PCDH7: variants seen among roughly 807,000 people sequenced by gnomAD.
The protein encoded by PCDH7 is protocadherin-7.
In PCDH7, 17 loss-of-function variants were observed where a neutral mutation model predicts 58.9. The observed-to-expected ratio is 0.29, with a 90% confidence interval of 0.20 to 0.43. The LOEUF (loss-of-function observed/expected upper bound fraction) is 0.43, where lower values mean the gene tolerates loss of function less well. PCDH7 is among the 20% of genes least tolerant of loss of function. PCDH7 has a pLI of 1.00. For synonymous variants in PCDH7, 664 were observed against 616.4 expected, an observed-to-expected ratio of 1.08 and a Z score of -1.14; for missense variants, 1,274 against 1,441.0, an observed-to-expected ratio of 0.88 and a Z score of 1.88.
In PCDH7 at chr4:30,796,818, A is replaced by G. The variant is rs1015391047; in HGVS notation, c.70+72222A>G. On this transcript the variant is annotated intron_variant, in intron 1 of 3. Transcript: ENST00000509759. ...AATCTTATAACTTTCGAAGGCTTTT[A>G]CGTGCTTTGCACTTCCCTGCTAGCT... 5.3e-5 allele frequency among the ~76,000 whole-genome samples: 8 copies of G among 152,206 alleles called. No homozygotes were observed. The East Asian group carries it at 5.8e-4, about 11-fold the overall frequency.
intron 2 of PCDH7, among the ~76,000 whole-genome samples, chr4:30,933,272 G>T (rs972887649): frequency 2.6e-5 from 4 of 152,094 alleles, no homozygotes; most frequent in African/African-American, 9.7e-5. Flanking sequence ...TGATCTGCCT[G>T]CCTTGGCCTC....
chr4:30,849,856 C>A (rs531841848), intron 1 of PCDH7, among the ~76,000 whole-genome samples: 43 of 152,158 alleles, frequency 2.8e-4, no homozygotes, highest in African/African-American at 9.4e-4. Flanking sequence ...AGAGACATAT[C>A]TGTGTTAGTC....
chr4:31,124,544 C>T (rs1718070206), intron 3 of PCDH7, among the ~76,000 whole-genome samples: 1 of 152,196 alleles, frequency 6.6e-6, no homozygotes, highest in Non-Finnish European at 1.5e-5. Flanking sequence ...TAGGAATGTA[C>T]TTGAGTGCTC....
chr4:30,773,630 T>C (rs1216363323), intron 1 of PCDH7, among the ~76,000 whole-genome samples: 1 of 152,144 alleles, frequency 6.6e-6, no homozygotes, highest in African/African-American at 2.4e-5. Flanking sequence ...CACTGAAGAA[T>C]CATGGTGCTG....
chr4:31,006,991 A>G (rs1414408485), intron 3 of PCDH7, among the ~76,000 whole-genome samples: 1 of 152,168 alleles, frequency 6.6e-6, no homozygotes. Context: ...ACTATTGTTT[A>G]TATTTTAAAA....
At chr4:30,975,101 T>C (rs1026950345) in intron 3 of PCDH7, among the ~76,000 whole-genome samples, 1 of 150,996 alleles carries the variant, frequency 6.6e-6, no homozygotes, top group Non-Finnish European at 1.5e-5. Flanking sequence ...GACAAAGCAA[T>C]ATGTTACAAA....
At chr4:30,986,903 C>A (rs1050255237) in intron 3 of PCDH7, among the ~76,000 whole-genome samples, 4 of 151,910 alleles carry the variant, frequency 2.6e-5, no homozygotes, top group African/African-American at 9.7e-5. Context: ...ATCACTTGAA[C>A]CTGGGAGGCG....
intron 1 of PCDH7, among the ~76,000 whole-genome samples, chr4:30,899,844 G>A (rs934528435): frequency 6.6e-6 from 1 of 151,890 alleles, no homozygotes. Flanking sequence ...TCCTGATAAG[G>A]GGTGGACCTG....
intron 3 of PCDH7, among the ~76,000 whole-genome samples, chr4:31,071,930 A>G (rs759749296): frequency 1.3e-5 from 2 of 152,184 alleles, no homozygotes; most frequent in South Asian, 4.1e-4. Context: ...TTACTTTTAT[A>G]TTAGCTCGTA....
chr4:30,919,983 G>A (rs1455596507), intron 1 of PCDH7, among the ~76,000 whole-genome samples, 170 bp from the exon 2 acceptor site: 1 of 152,060 alleles, frequency 6.6e-6, no homozygotes, highest in Non-Finnish European at 1.5e-5. Flanking sequence ...CTAAGCTCTA[G>A]ACATTGCCTT....
chr4:31,141,316 C>T (rs16884410), intron 3 of PCDH7, among the ~76,000 whole-genome samples: 8,757 of 152,204 alleles, frequency 0.058, 327 homozygotes, highest in South Asian at 0.11. Flanking sequence ...TCTTTAAGTC[C>T]CAAGCCTTGT....
chr4:31,120,869 A>G (rs1717611193), intron 3 of PCDH7, among the ~76,000 whole-genome samples: 1 of 152,182 alleles, frequency 6.6e-6, no homozygotes, highest in Non-Finnish European at 1.5e-5. Flanking sequence ...AATGAATACA[A>G]CACTTGCCTG....
intron 1 of PCDH7, among the ~76,000 whole-genome samples, chr4:30,789,299 A>C (rs1039799593): frequency 6.6e-6 from 1 of 152,204 alleles, no homozygotes; most frequent in African/African-American, 2.4e-5. Flanking sequence ...AGGATTGATC[A>C]GCACATGAAG....
At chr4:31,032,984 T>C (rs993952423) in intron 3 of PCDH7, among the ~76,000 whole-genome samples, 3 of 152,152 alleles carry the variant, frequency 2.0e-5, no homozygotes, top group Admixed American at 1.3e-4. Context: ...ACTTTTTTTT[T>C]GTAATTCTTC....
At chr4:31,065,028 A>C (rs1006184648) in intron 3 of PCDH7, among the ~76,000 whole-genome samples, 16 of 151,978 alleles carry the variant, frequency 1.1e-4, no homozygotes, top group African/African-American at 3.6e-4. Context: ...AAAGTTAAAG[A>C]GTTTTAATTT....
intron 2 of PCDH7, among the ~76,000 whole-genome samples, chr4:30,922,517 A>C (rs1189190981): frequency 6.6e-6 from 1 of 152,152 alleles, no homozygotes; most frequent in Admixed American, 6.5e-5. Context: ...ATTAAAAGAT[A>C]ATTATATATG....
Position 31,141,107 on chromosome 4 carries a change from T to C in PCDH7, c.*8-1366T>C, listed in dbSNP as rs1720198425. Among the ~76,000 whole-genome samples, 2 of 152,194 alleles carry C rather than the reference T, an allele frequency of 1.3e-5. 1 individual carries two copies. The highest frequency in any genetic ancestry group is 4.1e-4 in the South Asian group (2 of 4,832). On this transcript the variant is annotated intron_variant, in intron 3 of 3. Coordinates refer to the PCDH7 transcript ENST00000509759. The stretch of plus-strand genomic sequence containing the variant: ...CCTTCATTTAGGAGATTTAGCCAAG[T>C]AAAACGTCTAAAATATCCTATACAA...
chr4:30,996,353 C>T (rs968652343), intron 3 of PCDH7, among the ~76,000 whole-genome samples: 1 of 152,148 alleles, frequency 6.6e-6, no homozygotes, highest in Non-Finnish European at 1.5e-5. Context: ...CTCAGGTAGA[C>T]TAATAACTGT....
At chr4:30,781,103 A>G (rs1331426010) in intron 1 of PCDH7, among the ~76,000 whole-genome samples, 3 of 152,136 alleles carry the variant, frequency 2.0e-5, no homozygotes, top group Admixed American at 6.6e-5. Flanking sequence ...TGCCTCTTAC[A>G]TGACTGGGCT....
Sources: gnomAD v4.1 joint callset for allele counts (sites outside exome capture counted in the v4.1 genomes callset) on GRCh38, gnomAD v4.1.1 for gene constraint, MANE v1.5 for transcripts, NCBI Gene and HGNC (gene_info 2026-07-23, HGNC 2026-07-21) for gene names.